The following SLCO6A1 variants were observed in gnomAD, a reference collection of about 807,000 sequenced individuals.
SLCO6A1 encodes solute carrier organic anion transporter family member 6A1.
In SLCO6A1, 65 loss-of-function variants were observed where a neutral mutation model predicts 72.7. That is an observed-to-expected ratio of 0.89 (90% CI 0.73 to 1.10). SLCO6A1 has a LOEUF of 1.10. Ranked by LOEUF, SLCO6A1 falls within the 50% of genes least tolerant of loss-of-function variation. The pLI is 0.00. For synonymous variants in SLCO6A1, 314 were observed against 298.2 expected (o/e 1.05, Z -0.55); for missense variants, 874 against 872.6 (o/e 1.00, Z -0.02).
chr5:102,438,867 A>G lies in SLCO6A1; in HGVS notation c.1132-106T>C, dbSNP rs548077711. Reference sequence around the variant, plus strand: ...TGTCTACAAAAATTTACCATTCCCAATCTAAACTGAAAAGATAATTGATAG... The same window carrying G: ...TGTCTACAAAAATTTACCATTCCCAGTCTAAACTGAAAAGATAATTGATAG... On this transcript the variant is annotated intron_variant, in intron 6 of 13. Transcript: ENST00000506729. 4.4e-5 allele frequency: 31 copies of G among 699,520 alleles called. No homozygotes were observed. The South Asian group carries it at 9.0e-4, about 20-fold the overall frequency. 43.3% of individuals were successfully genotyped at this position (699,520 alleles called of 1,614,324 possible).
intron 1 of SLCO6A1, among the ~76,000 whole-genome samples, chr5:102,497,548 G>A (rs760160838): frequency 6.6e-6 from 1 of 152,190 alleles, no homozygotes; most frequent in African/African-American, 2.4e-5. Flanking sequence ...TCTGGAGGAG[G>A]TGAGGCACCC....
chr5:102,456,758 A>G (rs1336136125), intron 6 of SLCO6A1, among the ~76,000 whole-genome samples: 1 of 152,200 alleles, frequency 6.6e-6, no homozygotes, highest in Non-Finnish European at 1.5e-5. Flanking sequence ...ACTACTTTAA[A>G]GTTCATATGG....
rs1391370065 is a variant in SLCO6A1 at position 102,475,786 on chromosome 5, T to C, written c.810A>G (p.Ala270=). ...THSAGIYLGI[A]ECTSMIGYAL... is the part of the protein sequence containing the mutation. The stretch of plus-strand genomic sequence containing the variant: ...CATATCCAATCATTGATGTACATTC[T>C]GCAATACCTGTAAAATAAGCACTGA... The change falls in exon 4 of 14, where the codon GCA becomes GCG. Residue 270 remains alanine, a synonymous_variant. Transcript: ENST00000506729. 2.5e-6 allele frequency: 4 copies of C among 1,602,444 alleles called. No individual in the cohort carries two copies. The Admixed American group carries it at 5.1e-5, about 21-fold the overall frequency.
intron 7 of SLCO6A1, among the ~76,000 whole-genome samples, chr5:102,425,311 G>C (rs960935461): frequency 6.6e-6 from 1 of 152,104 alleles, no homozygotes; most frequent in Non-Finnish European, 1.5e-5. Context: ...ATTCAAATAG[G>C]AAGAGAGGAA....
chr5:102,485,253 AAAATAAATAAATAAAT>A (rs71620660), intron 1 of SLCO6A1, among the ~76,000 whole-genome samples: 8 of 145,220 alleles, frequency 5.5e-5, no homozygotes, highest in African/African-American at 1.0e-4. Context: ...CTCCATCTCA[AAAATAAATAAATAAAT>A]AAATAAATAA....
intron 6 of SLCO6A1, among the ~76,000 whole-genome samples, chr5:102,445,657 C>T (rs1007609660): frequency 3.3e-5 from 5 of 152,150 alleles, no homozygotes; most frequent in African/African-American, 1.2e-4. Flanking sequence ...GGCCAACATC[C>T]AGAATGGTAT....
intron 9 of SLCO6A1, 27 bp from the exon 10 acceptor site, chr5:102,399,769 T>C: frequency 4.1e-6 from 6 of 1,450,158 alleles, no homozygotes; most frequent in Non-Finnish European, 5.5e-6. Flanking sequence ...CAGGAAACAA[T>C]CTTTCAGAAA....
intron 1 of SLCO6A1, among the ~76,000 whole-genome samples, chr5:102,497,542 G>A (rs917231643): frequency 2.6e-5 from 4 of 152,162 alleles, no homozygotes; most frequent in Non-Finnish European, 4.4e-5. Context: ...TCAGGTTCTG[G>A]AGGAGGTGAG....
chr5:102,402,564 A>G (rs972992847), intron 9 of SLCO6A1, among the ~76,000 whole-genome samples: 2 of 152,204 alleles, frequency 1.3e-5, no homozygotes, highest in Non-Finnish European at 2.9e-5. Context: ...CAAGTCTAAT[A>G]TGAAGATGGT....
chr5:102,383,414 C>T (rs1036997371), intron 12 of SLCO6A1, among the ~76,000 whole-genome samples: 4 of 151,720 alleles, frequency 2.6e-5, no homozygotes, highest in African/African-American at 7.2e-5. Context: ...TGAAATGATG[C>T]TAAGTTTTGT....
chr5:102,497,024 G>A (rs953678252), intron 1 of SLCO6A1, among the ~76,000 whole-genome samples: 43 of 152,146 alleles, frequency 2.8e-4, no homozygotes, highest in African/African-American at 1.0e-3. Context: ...AGTTTTTCTA[G>A]TATGGGTCTT....
intron 6 of SLCO6A1, among the ~76,000 whole-genome samples, chr5:102,456,574 T>A (rs554195459): frequency 2.6e-5 from 4 of 152,254 alleles, no homozygotes; most frequent in Non-Finnish European, 5.9e-5. Context: ...CAAGGAGAAC[T>A]ACAAACCACT....
intron 10 of SLCO6A1, among the ~76,000 whole-genome samples, chr5:102,395,168 C>A (rs1322224598): frequency 1.3e-5 from 2 of 152,032 alleles, no homozygotes; most frequent in Non-Finnish European, 2.9e-5. Flanking sequence ...TTAGGTATAT[C>A]TCCTAATGCT....
chr5:102,412,970 T>C lies in SLCO6A1; in HGVS notation c.1626+20A>G, dbSNP rs761498015. On this transcript the variant is annotated intron_variant, in intron 9 of 13. Transcript: ENST00000506729. ...AATATAAATGTATAACAAAACATAA[T>C]AATTATAAAAAATAATTACCTTTTT... 1 of 1,117,162 alleles carries C rather than the reference T, an allele frequency of 9.0e-7. No homozygotes were observed. Among genetic ancestry groups the C allele is most frequent in the Non-Finnish European group, 1.2e-6 (1 of 849,730 alleles). The allele number at this position is 1,117,162 out of a possible 1,614,324, so 69.2% of individuals were successfully genotyped here.
At chr5:102,460,747 TCTTACAGA>T (rs1750982516) in intron 4 of SLCO6A1, among the ~76,000 whole-genome samples, 1 of 151,854 alleles carries the variant, frequency 6.6e-6, no homozygotes, top group Non-Finnish European at 1.5e-5. Flanking sequence ...GTGAACAACT[TCTTACAGA>T]CCTTGTTTCT....
At position 102,399,568 on chromosome 5, in the gene SLCO6A1, A is replaced by C; in HGVS notation, c.1801T>G (p.Leu601Val). 6.4e-7 allele frequency: 1 copy of C among 1,562,082 alleles called. No individual in the cohort carries two copies. Among genetic ancestry groups the C allele is most frequent in the Non-Finnish European group, 8.7e-7 (1 of 1,151,196 alleles). ...FSGFSGVPIV[L>V]AMTRVVPDKL... ...ATATATACATACCGCGTCATGGCCA[A>C]GACGATTGGTACACCAGAAAAACCA... Residue 601 changes from leucine to valine, a missense_variant, in exon 10 of 14, where the codon TTG becomes GTG. By Grantham distance (32) the Leu-to-Val change is conservative. Coordinates refer to ENST00000506729, the MANE Select transcript of SLCO6A1 (RefSeq NM_173488.5).
chr5:102,390,850 C>T, intron 11 of SLCO6A1, 131 bp downstream of exon 11: 1 of 699,988 alleles, frequency 1.4e-6, no homozygotes, highest in Non-Finnish European at 2.4e-6. Flanking sequence ...CTAAATTCTG[C>T]AAAGCAGCTC....
At chr5:102,404,105 T>C (rs4703226) in intron 9 of SLCO6A1, among the ~76,000 whole-genome samples, 98,090 of 152,064 alleles carry the variant, frequency 0.65, 31,837 homozygotes, top group African/African-American at 0.66. Context: ...CAATATCTAT[T>C]TTATTTTCTT....
chr5:102,383,338 T>G (rs1746230459), intron 12 of SLCO6A1, among the ~76,000 whole-genome samples: 1 of 151,568 alleles, frequency 6.6e-6, no homozygotes, highest in South Asian at 2.1e-4. Flanking sequence ...TCTGAGTAAG[T>G]AATATATTTG....
Sources: allele counts gnomAD v4.1 joint callset (sites outside exome capture counted in the v4.1 genomes callset), GRCh38; gene constraint gnomAD v4.1.1; transcripts MANE v1.5; gene names NCBI Gene and HGNC (gene_info 2026-07-23, HGNC 2026-07-21).